PLXNA4: variants seen among roughly 807,000 people sequenced by gnomAD.
PLXNA4 encodes the protein plexin A4.
PLXNA4 carries 44 observed loss-of-function variants against 191.8 expected under a neutral mutation model. That is an observed-to-expected ratio of 0.23 (90% CI 0.18 to 0.29). PLXNA4 has a LOEUF of 0.29. Among genes scored for constraint, PLXNA4 ranks in the 10% least tolerant of loss-of-function variants. The probability of loss-of-function intolerance (pLI) is 1.00; values close to 1 mark genes in which losing one functional copy is unlikely to be tolerated. For missense variants in PLXNA4, 1,800 were observed against 2,488.8 expected, an observed-to-expected ratio of 0.72 and a Z score of 5.89; for synonymous variants, 1,082 against 1,009.5, an observed-to-expected ratio of 1.07 and a Z score of -1.36.
intron 3 of PLXNA4, among the ~76,000 whole-genome samples, chr7:132,395,792 C>G (rs1048468609): frequency 3.3e-5 from 5 of 152,214 alleles, no homozygotes; most frequent in Non-Finnish European, 7.3e-5. Flanking sequence ...AAGGAATGAC[C>G]AGGATCCCCA....
At chr7:132,384,623 T>C in intron 3 of PLXNA4, 2 of 990,342 alleles carry the variant, frequency 2.0e-6, no homozygotes, top group Non-Finnish European at 2.4e-6. Flanking sequence ...GGCTTCCTTT[T>C]CTCTTTCCCG....
rs1797179927 is a variant in PLXNA4, at chr7:132,194,192, T to C, written c.2739-13A>G. The C allele has an allele frequency of 6.2e-7, 1 of 1,609,378 alleles. No individual in the cohort carries two copies. The highest frequency in any genetic ancestry group is 8.5e-7 in the Non-Finnish European group (1 of 1,176,690). ...CTCACACACGATCCTGCAGGGAGGA[T>C]AGGAGAAATCCCATGGGTCACAGGA... On this transcript the variant is annotated splice_polypyrimidine_tract_variant and intron_variant, in intron 13 of 31. Coordinates refer to ENST00000321063, the MANE Select transcript of PLXNA4 (RefSeq NM_020911.2).
chr7:132,193,850 A>G (rs1031677672), intron 14 of PLXNA4, among the ~76,000 whole-genome samples: 1 of 152,210 alleles, frequency 6.6e-6, no homozygotes, highest in Non-Finnish European at 1.5e-5. Context: ...CCACACAGCC[A>G]GGCACAGAAA....
chr7:132,181,116 C>A (rs1434218913), intron 18 of PLXNA4, among the ~76,000 whole-genome samples: 1 of 152,166 alleles, frequency 6.6e-6, no homozygotes, highest in African/African-American at 2.4e-5. Context: ...GCCTGACCTG[C>A]CAGTACTTGG....
rs917683806 is a variant in PLXNA4, at chr7:132,384,741, AGCATACAC to A, written c.1372-86527_1372-86520del. On this transcript the variant is annotated intron_variant, in intron 3 of 31. Coordinates refer to ENST00000321063, the MANE Select transcript of PLXNA4 (RefSeq NM_020911.2). ...GCACACACACCTTTAAACACAGATA[AGCATACAC>A]ACACACACACACACACACACACACA... The A allele has an allele frequency of 1.2e-5, 12 of 1,014,534 alleles. No homozygotes were observed. The East Asian group carries it at 5.6e-4, about 47-fold the overall frequency. The allele number at this position is 1,014,534 out of a possible 1,614,324, so 62.8% of individuals were successfully genotyped here. A position where few individuals can be genotyped will look rare whatever the true frequency, so the allele number is the denominator to read the frequency against.
intron 31 of PLXNA4, among the ~76,000 whole-genome samples, chr7:132,131,365 G>A (rs979815399): frequency 2.0e-5 from 3 of 152,170 alleles, no homozygotes; most frequent in African/African-American, 7.2e-5. Flanking sequence ...AACTGTTAAT[G>A]TAGGAATGAC....
chr7:132,388,697 C>A (rs938238192), intron 3 of PLXNA4, among the ~76,000 whole-genome samples: 4 of 152,106 alleles, frequency 2.6e-5, no homozygotes, highest in African/African-American at 9.7e-5. Flanking sequence ...GGCTTTGGGG[C>A]CTTAAGTTGG....
chr7:132,291,524 T>G (rs1275390857), intron 4 of PLXNA4, among the ~76,000 whole-genome samples: 2 of 152,228 alleles, frequency 1.3e-5, no homozygotes, highest in Non-Finnish European at 2.9e-5. Context: ...GAGCAGGTGC[T>G]CAGTAAACAT....
At chr7:132,211,845 T>C (rs566974941) in intron 9 of PLXNA4, among the ~76,000 whole-genome samples, 1 of 152,218 alleles carries the variant, frequency 6.6e-6, no homozygotes, top group South Asian at 2.1e-4. Context: ...AGATGGCCTT[T>C]GGGATGGAGA....
Position 132,508,869 on chromosome 7 carries a change from T to C in PLXNA4, c.-86-90A>G. ...GTCTGCCTGGACTTTCAAAATGTTCTGCACACACTGAGCAGAACTGCACTG... is the reference window on the plus strand; with the variant it reads ...GTCTGCCTGGACTTTCAAAATGTTCCGCACACACTGAGCAGAACTGCACTG... On this transcript the variant is annotated intron_variant, in intron 1 of 31. Coordinates refer to ENST00000321063, the MANE Select transcript of PLXNA4 (RefSeq NM_020911.2). This position sits in a 1 kb window ranked among gnomAD's most constrained non-coding sequence, Gnocchi z 4.4. 4 of 1,274,378 alleles carry C rather than the reference T, an allele frequency of 3.1e-6. No individual in the cohort carries two copies. The highest frequency in any genetic ancestry group is 1.6e-5 in the South Asian group (1 of 62,112). The allele number at this position is 1,274,378 out of a possible 1,614,324, so 78.9% of individuals were successfully genotyped here.
At chr7:132,140,496 A>T in intron 30 of PLXNA4, 103 bp downstream of exon 30, 1 of 1,484,622 alleles carries the variant, frequency 6.7e-7, no homozygotes, top group Non-Finnish European at 9.0e-7. Flanking sequence ...TGAATGACTC[A>T]TCTGGAAACA....
chr7:132,180,523 C>A, intron 19 of PLXNA4, 63 bp downstream of exon 19: 1 of 1,597,522 alleles, frequency 6.3e-7, no homozygotes, highest in Non-Finnish European at 8.6e-7. Flanking sequence ...GCCTTGGTGG[C>A]CTGAGCTCAC....
At chr7:132,390,507 T>C (rs770744579) in intron 3 of PLXNA4, among the ~76,000 whole-genome samples, 1 of 152,050 alleles carries the variant, frequency 6.6e-6, no homozygotes, top group African/African-American at 2.4e-5. Flanking sequence ...ATGGCACATG[T>C]ATACCTATGT....
At chr7:132,179,383 G>T (rs1416304991) in intron 20 of PLXNA4, among the ~76,000 whole-genome samples, 1 of 144,184 alleles carries the variant, frequency 6.9e-6, no homozygotes, top group Non-Finnish European at 1.5e-5. Context: ...GCTTGTACAT[G>T]AAACATATAC....
intron 2 of PLXNA4, among the ~76,000 whole-genome samples, chr7:132,596,125 T>C (rs1214750681): frequency 6.6e-6 from 1 of 152,176 alleles, no homozygotes; most frequent in East Asian, 1.9e-4. Flanking sequence ...GTCCTCCAAC[T>C]TTTTTCTTTC....
chr7:132,161,773 A>C (rs951432944), intron 24 of PLXNA4, among the ~76,000 whole-genome samples: 1 of 151,122 alleles, frequency 6.6e-6, no homozygotes, highest in Admixed American at 6.6e-5. Flanking sequence ...GCAAGCTCCC[A>C]GGTGGGCATT....
At chr7:132,476,042 C>T (rs763995904) in intron 3 of PLXNA4, among the ~76,000 whole-genome samples, 5 of 152,164 alleles carry the variant, frequency 3.3e-5, no homozygotes, top group Admixed American at 6.5e-5. Context: ...GGTTCCTATG[C>T]TTGCATGTGT....
chr7:132,125,681 AGGAAGAGG>A lies in PLXNA4; in HGVS notation c.*4790_*4797del, dbSNP rs956405994. On this transcript the variant is annotated 3_prime_UTR_variant, in exon 32 of 32. Transcript: ENST00000321063. ...CCAGTCACCTGTCCTGAGAGCTGGCAGGAAGAGGGGAAGAGGCCCTTGATGTAGACGAG... is the reference window on the plus strand; with the variant it reads ...CCAGTCACCTGTCCTGAGAGCTGGCAGGAAGAGGCCCTTGATGTAGACGAG... 11 of 151,044 alleles carry A rather than the reference AGGAAGAGG, an allele frequency of 7.3e-5. No individual in the cohort carries two copies. Among genetic ancestry groups the A allele is most frequent in the African/African-American group, 2.7e-4 (11 of 41,040 alleles). 9.4% of individuals were successfully genotyped at this position (151,044 alleles called of 1,614,324 possible).
chr7:132,500,868 G>A (rs938247932), intron 2 of PLXNA4, among the ~76,000 whole-genome samples: 1 of 152,150 alleles, frequency 6.6e-6, no homozygotes, highest in African/African-American at 2.4e-5. Context: ...AAGCAAAAGG[G>A]AAACTGCTTG....
Sources: allele counts gnomAD v4.1 joint callset (sites outside exome capture counted in the v4.1 genomes callset), GRCh38; gene constraint gnomAD v4.1.1; non-coding constraint Gnocchi (gnomAD v3.1); transcripts MANE v1.5; gene names NCBI Gene and HGNC (gene_info 2026-07-23, HGNC 2026-07-21).